Variants in TGFB2 observed in about 807,000 individuals in gnomAD.
The protein encoded by TGFB2 is transforming growth factor beta-2 proprotein.
Under a neutral mutation model 42.7 loss-of-function variants are expected in TGFB2, and 13 were observed. The observed-to-expected ratio is 0.30, with a 90% CI of 0.20 to 0.48. The LOEUF is 0.48. Ranked by LOEUF, TGFB2 falls within the 20% of genes least tolerant of loss-of-function variation. TGFB2 has a pLI of 0.99. For missense variants in TGFB2, 390 were observed against 517.5 expected (o/e 0.75, Z 2.39); for synonymous variants, 193 against 193.6 (o/e 1.00, Z 0.03).
intron 2 of TGFB2, among the ~76,000 whole-genome samples, chr1:218,411,698 C>G (rs1166215698): frequency 1.3e-5 from 2 of 152,004 alleles, no homozygotes; most frequent in Admixed American, 1.3e-4. Context: ...AATACCATCT[C>G]TACTAAAAAT....
intron 1 of TGFB2, among the ~76,000 whole-genome samples, chr1:218,396,931 T>C (rs1658530989): frequency 6.6e-6 from 1 of 152,228 alleles, no homozygotes; most frequent in South Asian, 2.1e-4. Flanking sequence ...TCCTCTTTTC[T>C]CTGTCTTACT....
chr1:218,427,363 C>A (rs1411687805), intron 2 of TGFB2, among the ~76,000 whole-genome samples: 1 of 151,760 alleles, frequency 6.6e-6, no homozygotes, highest in African/African-American at 2.4e-5. Context: ...ACTTTAAGTT[C>A]TAGGGTACAT....
At chr1:218,433,049 C>T (rs1431168066) in intron 2 of TGFB2, among the ~76,000 whole-genome samples, 2 of 152,078 alleles carry the variant, frequency 1.3e-5, no homozygotes, top group Admixed American at 1.3e-4. Context: ...ATACACCTTT[C>T]TTGAAATGTT....
At chr1:218,412,450 G>A (rs1191102539) in intron 2 of TGFB2, among the ~76,000 whole-genome samples, 1 of 152,162 alleles carries the variant, frequency 6.6e-6, no homozygotes, top group African/African-American at 2.4e-5. Context: ...AACAGGAGTG[G>A]GTTTGGTTAA....
chr1:218,442,951 G>A lies in TGFB2; in HGVS notation c.*1589G>A, dbSNP rs1660204609. On this transcript the variant is annotated 3_prime_UTR_variant, in exon 7 of 7. Coordinates refer to ENST00000366930, the MANE Select transcript of TGFB2 (RefSeq NM_003238.6). ...GTTATTACAAAGAGGACACTTCATAGGAAACATCTTTTTCTTTAGTCAGGT... is the reference window on the plus strand; with the variant it reads ...GTTATTACAAAGAGGACACTTCATAAGAAACATCTTTTTCTTTAGTCAGGT... 1 of 152,044 alleles carries A rather than the reference G, an allele frequency of 6.6e-6. No homozygotes were observed. Among genetic ancestry groups the A allele is most frequent in the South Asian group, 2.1e-4 (1 of 4,826 alleles). 9.4% of individuals were successfully genotyped at this position (152,044 alleles called of 1,614,324 possible).
In TGFB2 at chr1:218,396,617, A is replaced by G. The variant is rs890299742; in HGVS notation, c.347-8552A>G. Among the ~76,000 whole-genome samples the G allele has an allele frequency of 7.9e-5, 12 of 152,100 alleles. No individual in the cohort carries two copies. In the East Asian group the frequency reaches 2.3e-3, roughly 29 times the overall value. On this transcript the variant is annotated intron_variant, in intron 1 of 6. Transcript: ENST00000366930. ...TCAAACTGTGGCTCCTTGGCTATAT[A>G]GAAAGTAAGTCCCTGAAATCTTTGA... is the stretch of plus-strand genomic sequence containing the variant.
At position 218,373,062 on chromosome 1, in the gene TGFB2, C is replaced by T. The variant is rs958831216; in HGVS notation, c.346+26015C>T. 4.7e-4 allele frequency among the ~76,000 whole-genome samples: 71 copies of T among 152,204 alleles called. 2 individuals carry two copies. The highest frequency in any genetic ancestry group is 1.5e-4 in the Non-Finnish European group (10 of 68,014). Reference sequence around the variant, plus strand: ...GAGTGGTGGCACATGCCTGTAATCCCAGCTACTCGGGAGGCTGAGGTAGGA... The same window carrying T: ...GAGTGGTGGCACATGCCTGTAATCCTAGCTACTCGGGAGGCTGAGGTAGGA... On this transcript the variant is annotated intron_variant, in intron 1 of 6. Coordinates refer to ENST00000366930, the MANE Select transcript of TGFB2 (RefSeq NM_003238.6).
intron 2 of TGFB2, among the ~76,000 whole-genome samples, chr1:218,425,501 C>A (rs1387048452): frequency 1.3e-5 from 2 of 152,146 alleles, no homozygotes; most frequent in Non-Finnish European, 2.9e-5. Context: ...GCCACCGTGC[C>A]CGACCTGGTC....
intron 1 of TGFB2, among the ~76,000 whole-genome samples, chr1:218,396,045 T>C (rs971001421): frequency 6.6e-6 from 1 of 152,188 alleles, no homozygotes. Flanking sequence ...GTCATTCTTT[T>C]TGGAGTAGGA....
At chr1:218,422,329 T>G (rs1659482954) in intron 2 of TGFB2, among the ~76,000 whole-genome samples, 1 of 152,056 alleles carries the variant, frequency 6.6e-6, no homozygotes, top group African/African-American at 2.4e-5. Flanking sequence ...CAGATCCTCC[T>G]GCCCCAGCCT....
chr1:218,348,163 TG>T (rs1187584826), intron 1 of TGFB2, among the ~76,000 whole-genome samples: 1 of 143,216 alleles, frequency 7.0e-6, no homozygotes, highest in Non-Finnish European at 1.5e-5. Flanking sequence ...AAAAGAAAAG[TG>T]GGGGCGGGGT....
At chr1:218,429,393 TCATC>T (rs1659732970) in intron 2 of TGFB2, among the ~76,000 whole-genome samples, 1 of 152,256 alleles carries the variant, frequency 6.6e-6, no homozygotes, top group Non-Finnish European at 1.5e-5. Flanking sequence ...TCCTCAGAGT[TCATC>T]CATGTCATGT....
chr1:218,426,379 T>A (rs1659626112), intron 2 of TGFB2, among the ~76,000 whole-genome samples: 1 of 152,350 alleles, frequency 6.6e-6, no homozygotes, highest in South Asian at 2.1e-4. Context: ...TACTTGTTTT[T>A]TCCCCCCTCA....
At chr1:218,440,659 A>G (rs757258648) in intron 6 of TGFB2, among the ~76,000 whole-genome samples, 3 of 152,228 alleles carry the variant, frequency 2.0e-5, no homozygotes, top group Non-Finnish European at 4.4e-5. Flanking sequence ...TTATTCATGT[A>G]TTCATTTCTT....
chr1:218,359,693 T>C (rs1364904159), intron 1 of TGFB2, among the ~76,000 whole-genome samples: 2 of 152,218 alleles, frequency 1.3e-5, no homozygotes, highest in African/African-American at 2.4e-5. Context: ...TAGAAACTCA[T>C]TGTAGTTCAG....
intron 1 of TGFB2, among the ~76,000 whole-genome samples, chr1:218,392,781 C>T (rs1658360336): frequency 6.6e-6 from 1 of 152,136 alleles, no homozygotes. Flanking sequence ...TAATCCAGAC[C>T]ATGTATTCCT....
At position 218,346,683 on chromosome 1, in the gene TGFB2, T is replaced by A; in HGVS notation, c.-19T>A. ...ATTCTGACTTTTAAAAACAACTTTT[T>A]TTTCCACTTTTTTAAAAAATGCACT... On this transcript the variant is annotated 5_prime_UTR_variant, in exon 1 of 7. Transcript: ENST00000366930. The surrounding 1 kb of genome is among the most constrained non-coding windows in gnomAD (Gnocchi z 4.9). 6.4e-7 allele frequency: 1 copy of A among 1,568,550 alleles called. No individual in the cohort carries two copies. The highest frequency in any genetic ancestry group is 8.6e-7 in the Non-Finnish European group (1 of 1,161,376).
intron 1 of TGFB2, among the ~76,000 whole-genome samples, chr1:218,388,629 C>T (rs1296083426): frequency 6.6e-6 from 1 of 152,182 alleles, no homozygotes; most frequent in East Asian, 1.9e-4. Flanking sequence ...AAGAAGGTCA[C>T]CGTATGTCGG....
At chr1:218,395,002 A>C (rs1345846367) in intron 1 of TGFB2, among the ~76,000 whole-genome samples, 2 of 152,052 alleles carry the variant, frequency 1.3e-5, no homozygotes, top group Non-Finnish European at 2.9e-5. Flanking sequence ...AAAGCTGGGG[A>C]TGTCAGGAAT....
Sources: gnomAD v4.1 joint callset for allele counts (sites outside exome capture counted in the v4.1 genomes callset) on GRCh38, gnomAD v4.1.1 for gene constraint, Gnocchi (gnomAD v3.1) non-coding constraint, MANE v1.5 for transcripts, NCBI Gene and HGNC (gene_info 2026-07-23, HGNC 2026-07-21) for gene names.